SCARF2: variants seen among roughly 807,000 people sequenced by gnomAD.
SCARF2 encodes the protein scavenger receptor class F member 2, also known as scavenger receptor expressed by endothelial cells 2 protein.
SCARF2 carries 39 observed loss-of-function variants against 73.4 expected under a neutral mutation model. The ratio of observed to expected loss-of-function variants is 0.53; its 90% confidence interval spans 0.41 to 0.69. SCARF2 has a LOEUF of 0.69. Among genes scored for constraint, SCARF2 ranks in the 30% least tolerant of loss-of-function variants. The pLI is 0.00. For synonymous variants in SCARF2, 605 were observed against 590.0 expected, an observed-to-expected ratio of 1.03 and a Z score of -0.37; for missense variants, 1,148 against 1,303.5, an observed-to-expected ratio of 0.88 and a Z score of 1.84.
Position 20,431,123 on chromosome 22 carries a change from C to G in SCARF2, c.749G>C (p.Arg250Pro). The change falls in exon 4 of 11, where the codon CGC (arginine) becomes CCC (proline). Residue 250 changes from arginine (R) to proline (P), a missense_variant. Arg to Pro is a moderately radical substitution (Grantham distance 103). This residue lies in a region of SCARF2 where 372 missense variants were observed against 532.0 expected (regional missense o/e 0.70). Transcript: ENST00000622235. ...CDRYCQCFRG[R>P]CHPVDGTCAC... ...ACACGTGCCGTCCACAGGGTGGCAG[C>G]GGCCGCGGAAGCACTGGCAGTAGCG... The G allele has an allele frequency of 6.4e-7, 1 of 1,562,398 alleles. No individual in the cohort carries two copies.
chr22:20,430,442 C>T lies in SCARF2; in HGVS notation c.1189G>A (p.Val397Ile), dbSNP rs756578129. 6 of 1,591,288 alleles carry T rather than the reference C, an allele frequency of 3.8e-6. No individual in the cohort carries two copies. Among genetic ancestry groups the T allele is most frequent in the South Asian group, 2.3e-5 (2 of 88,224 alleles). The change falls in exon 6 of 11, where the codon GTC (valine) becomes ATC (isoleucine). Residue 397 changes from valine to isoleucine, a missense_variant. Coordinates refer to ENST00000622235, the MANE Select transcript of SCARF2 (RefSeq NM_182895.5). ...QSGRCLCSPG[V>I]HGPHCNVTCP... ...CGGGGCACTCACTGGGGCCCGTGGACGCCAGGGCTGCACAGGCAGCGCCCC... is the reference window on the plus strand; with the variant it reads ...CGGGGCACTCACTGGGGCCCGTGGATGCCAGGGCTGCACAGGCAGCGCCCC...
Position 20,430,591 on chromosome 22 carries a change from G to T in SCARF2, c.1074-34C>A, listed in dbSNP as rs774222819. The T allele has an allele frequency of 5.6e-6, 9 of 1,611,516 alleles. No homozygotes were observed. In the African/African-American group the frequency reaches 1.1e-4, roughly 19 times the overall value. ...GAGGGGAGGAGGCGTCAGCAGAAAT[G>T]GAGGCAAACGGACCACAGCGCCCTC... On this transcript the variant is annotated intron_variant, in intron 5 of 10. Transcript: ENST00000622235.
Position 20,437,773 on chromosome 22 carries a change from G to C in SCARF2, c.-19C>G, listed in dbSNP as rs1300040930. ...CCTCCATGAGGCGCGGGGCAGGCGC[G>C]GGGCGGGCACGGGCGCGGGTGCGGC... On this transcript the variant is annotated 5_prime_UTR_variant, in exon 1 of 11. Coordinates refer to ENST00000622235, the MANE Select transcript of SCARF2 (RefSeq NM_182895.5). 4.1e-6 allele frequency: 4 copies of C among 970,524 alleles called. No individual in the cohort carries two copies. The African/African-American group carries it at 7.1e-5, about 17-fold the overall frequency. The allele number at this position is 970,524 out of a possible 1,614,324, so 60.1% of individuals were successfully genotyped here. A position where few individuals can be genotyped will look rare whatever the true frequency, so the allele number is the denominator to read the frequency against.
chr22:20,431,845 C>A lies in SCARF2; in HGVS notation c.234G>T (p.Ala78=). Residue 78 remains alanine (A), a splice_region_variant and synonymous_variant, in exon 3 of 11, where the codon GCG becomes GCT. Coordinates refer to ENST00000622235, the MANE Select transcript of SCARF2 (RefSeq NM_182895.5). ...WRQQGDECGI[A]VCEGNSTCSE... is the part of the protein sequence containing the mutation. The stretch of plus-strand genomic sequence containing the variant: ...AGCACGTGGAGTTGCCTTCGCACAC[C>A]GCTGTGGACGAGACAGGCCAGAGCT... 2 of 1,597,304 alleles carry A rather than the reference C, an allele frequency of 1.3e-6. No individual in the cohort carries two copies. The highest frequency in any genetic ancestry group is 2.3e-5 in the East Asian group (1 of 44,244).
chr22:20,432,521 A>AC (rs905528990), intron 1 of SCARF2, among the ~76,000 whole-genome samples: 1 of 151,690 alleles, frequency 6.6e-6, no homozygotes, highest in Non-Finnish European at 1.5e-5. Flanking sequence ...GGACAGGGGG[A>AC]CGGGGGGTGG....
At chr22:20,434,144 T>C (rs1178150879) in intron 1 of SCARF2, among the ~76,000 whole-genome samples, 1 of 152,152 alleles carries the variant, frequency 6.6e-6, no homozygotes, top group Non-Finnish European at 1.5e-5. Context: ...AAGATGTTTT[T>C]TTGCCGGGCG....
rs1444981429 is a variant in SCARF2, at chr22:20,425,996, G to A, written c.1980C>T (p.Ala660=). The A allele has an allele frequency of 6.3e-7, 1 of 1,585,674 alleles. No individual in the cohort carries two copies. The highest frequency in any genetic ancestry group is 8.5e-7 in the Non-Finnish European group (1 of 1,172,378). The change falls in exon 11 of 11, where the codon GCC becomes GCT. Residue 660 remains alanine, a synonymous_variant. Coordinates refer to ENST00000622235, the MANE Select transcript of SCARF2 (RefSeq NM_182895.5). The surrounding 1 kb of genome is among the most constrained non-coding windows in gnomAD (Gnocchi z 4.6). ...ERRKPPPPDP[A]TKPKVSWIHG... ...GGATCCAGGACACCTTAGGCTTGGTGGCGGGGTCAGGTGGCGGCGGTTTCC... is the reference window on the plus strand; with the variant it reads ...GGATCCAGGACACCTTAGGCTTGGTAGCGGGGTCAGGTGGCGGCGGTTTCC...
In SCARF2 at chr22:20,429,710, G is replaced by T; in HGVS notation, c.1306+20C>A. On this transcript the variant is annotated intron_variant, in intron 7 of 10. Transcript: ENST00000622235. This position sits in a 1 kb window ranked among gnomAD's most constrained non-coding sequence, Gnocchi z 5.2. ...TGGCACCCCCTGCATTCCTTAACGGGACGCCCCTCATCCACTTACCTAGGT... is the reference window on the plus strand; with the variant it reads ...TGGCACCCCCTGCATTCCTTAACGGTACGCCCCTCATCCACTTACCTAGGT... 1 of 1,613,992 alleles carries T rather than the reference G, an allele frequency of 6.2e-7. No homozygotes were observed. Among genetic ancestry groups the T allele is most frequent in the Non-Finnish European group, 8.5e-7 (1 of 1,179,958 alleles).
intron 6 of SCARF2, 117 bp downstream of exon 6, chr22:20,430,311 TA>T: frequency 8.0e-7 from 1 of 1,256,470 alleles, no homozygotes; most frequent in Non-Finnish European, 1.1e-6. Flanking sequence ...CTAGCTGGGG[TA>T]AGGGACCAAG....
Position 20,429,688 on chromosome 22 carries a change from C to G in SCARF2, c.1307-35G>C. On this transcript the variant is annotated intron_variant, in intron 7 of 10. Coordinates refer to ENST00000622235, the MANE Select transcript of SCARF2 (RefSeq NM_182895.5). This position sits in a 1 kb window ranked among gnomAD's most constrained non-coding sequence, Gnocchi z 5.2. ...GTTATGGGGTCAGCGCGGTTTCTGG[C>G]ACCCCCTGCATTCCTTAACGGGACG... 6.2e-7 allele frequency: 1 copy of G among 1,614,000 alleles called. No individual in the cohort carries two copies. The highest frequency in any genetic ancestry group is 8.5e-7 in the Non-Finnish European group (1 of 1,179,934).
Position 20,429,436 on chromosome 22 carries a change from A to C in SCARF2, c.1425-96T>G. The C allele has an allele frequency of 8.3e-6, 13 of 1,563,242 alleles. No individual in the cohort carries two copies. The highest frequency in any genetic ancestry group is 4.7e-5 in the East Asian group (2 of 42,156). ...AGCCAAGCACAGAAGGGGCGGGGCC[A>C]CGTCCGGGGCAGGGGCGCGGAAGGG... On this transcript the variant is annotated intron_variant, in intron 8 of 10. Coordinates refer to ENST00000622235, the MANE Select transcript of SCARF2 (RefSeq NM_182895.5). This position sits in a 1 kb window ranked among gnomAD's most constrained non-coding sequence, Gnocchi z 5.2.
chr22:20,433,990 C>T (rs1035111938), intron 1 of SCARF2, among the ~76,000 whole-genome samples: 1 of 152,198 alleles, frequency 6.6e-6, no homozygotes, highest in Non-Finnish European at 1.5e-5. Flanking sequence ...TGGCTAGGAC[C>T]CTCGTTTTAG....
Position 20,429,941 on chromosome 22 carries a change from GCT to G in SCARF2, c.1203-110_1203-109del, listed in dbSNP as rs746415610. ...CCAGGGTCCAGGGTCCCAGAACCGG[GCT>G]CTCTCTCGCTGCATTCGTCGTCTAG... is the stretch of plus-strand genomic sequence containing the variant. On this transcript the variant is annotated intron_variant, in intron 6 of 10. Transcript: ENST00000622235. This position sits in a 1 kb window ranked among gnomAD's most constrained non-coding sequence, Gnocchi z 5.2. 1.1e-3 allele frequency: 1,117 copies of G among 1,040,318 alleles called. 1 individual carries two copies. The highest frequency in any genetic ancestry group is 1.4e-3 in the Non-Finnish European group (978 of 706,242). The allele number at this position is 1,040,318 out of a possible 1,614,324, so 64.4% of individuals were successfully genotyped here. A position where few individuals can be genotyped will look rare whatever the true frequency, so the allele number is the denominator to read the frequency against.
chr22:20,436,509 G>C (rs2146140437), intron 1 of SCARF2, among the ~76,000 whole-genome samples: 1 of 152,126 alleles, frequency 6.6e-6, no homozygotes. Context: ...GCTCGCAGCG[G>C]GGAGGGGTCT....
chr22:20,429,248 C>T lies in SCARF2; in HGVS notation c.1517G>A (p.Arg506Lys), dbSNP rs759078205. The T allele has an allele frequency of 6.2e-7, 1 of 1,613,972 alleles. No individual in the cohort carries two copies. The highest frequency in any genetic ancestry group is 8.5e-7 in the Non-Finnish European group (1 of 1,180,034). Reference sequence around the variant, plus strand: ...ACCTACGACTTTGGGTAGTTTCTGCCTCCGGAGCGGGATCCGGGGCAGCTT... The same window carrying T: ...ACCTACGACTTTGGGTAGTTTCTGCTTCCGGAGCGGGATCCGGGGCAGCTT... Reference protein sequence around the residue: ...SMKLPRIPLRRQKLPKVVVAH... With the variant: ...SMKLPRIPLRKQKLPKVVVAH... Residue 506 changes from arginine to lysine, a missense_variant, in exon 9 of 11, where the codon AGG becomes AAG. By Grantham distance (26) the Arg-to-Lys change is conservative. Transcript: ENST00000622235. The surrounding 1 kb of genome is among the most constrained non-coding windows in gnomAD (Gnocchi z 5.2).
At chr22:20,433,263 G>A (rs1276271055) in intron 1 of SCARF2, among the ~76,000 whole-genome samples, 1 of 152,144 alleles carries the variant, frequency 6.6e-6, no homozygotes, top group Non-Finnish European at 1.5e-5. Context: ...CCAAGGCTGC[G>A]GGATCCTAGG....
Position 20,430,691 on chromosome 22 carries a change from G to T in SCARF2, c.1072C>A (p.Arg358=). ...GCCGACGCAGGCAGGGCTGCTCACC[G>T]GTCGCCGATCCAGCCCGCGTTGCAG... is the stretch of plus-strand genomic sequence containing the variant. ...TRCNAGWIGD[R]CETKCSNGTY... The change falls in exon 5 of 11, where the codon CGG becomes AGG. Residue 358 remains arginine, a splice_region_variant and synonymous_variant. Coordinates refer to ENST00000622235, the MANE Select transcript of SCARF2 (RefSeq NM_182895.5). 2 of 1,597,744 alleles carry T rather than the reference G, an allele frequency of 1.3e-6. No individual in the cohort carries two copies. The highest frequency in any genetic ancestry group is 1.7e-6 in the Non-Finnish European group (2 of 1,172,900).
In SCARF2 at chr22:20,426,192, G is replaced by A; in HGVS notation, c.1784C>T (p.Ser595Phe). Residue 595 changes from serine (S) to phenylalanine (F), a missense_variant, in exon 11 of 11, where the codon TCC becomes TTC. Transcript: ENST00000622235. ...PSPVPLTTPA[S>F]AEEAIPLPAS... ...GGGGAGGGGTATCGCCTCCTCGGCG[G>A]AGGCTGGCGTGGTCAAGGGCACAGG... 2 of 1,515,054 alleles carry A rather than the reference G, an allele frequency of 1.3e-6. No individual in the cohort carries two copies. Among genetic ancestry groups the A allele is most frequent in the Non-Finnish European group, 1.8e-6 (2 of 1,137,434 alleles). The allele number at this position is 1,515,054 out of a possible 1,614,324, so 93.9% of individuals were successfully genotyped here. A position where few individuals can be genotyped will look rare whatever the true frequency, so the allele number is the denominator to read the frequency against.
Position 20,429,502 on chromosome 22 carries a change from AC to A in SCARF2, c.1424+33del, listed in dbSNP as rs777006439. On this transcript the variant is annotated intron_variant, in intron 8 of 10. Transcript: ENST00000622235. This position sits in a 1 kb window ranked among gnomAD's most constrained non-coding sequence, Gnocchi z 5.2. ...GTGGCACCCAGAGGGTGCGGCCTGA[AC>A]CCAGGCGAAAGCGGGGCAGTATCTG... is the stretch of plus-strand genomic sequence containing the variant. The A allele has an allele frequency of 1.2e-6, 2 of 1,609,148 alleles. No individual in the cohort carries two copies. Among genetic ancestry groups the A allele is most frequent in the Non-Finnish European group, 1.7e-6 (2 of 1,178,838 alleles).
Sources: allele counts gnomAD v4.1 joint callset (sites outside exome capture counted in the v4.1 genomes callset), GRCh38; gene constraint gnomAD v4.1.1; regional missense constraint gnomAD v4.1.1; non-coding constraint Gnocchi (gnomAD v3.1); transcripts MANE v1.5; gene names NCBI Gene and HGNC (gene_info 2026-07-23, HGNC 2026-07-21).